ARPP21: variants seen among roughly 807,000 people sequenced by gnomAD.
The protein encoded by ARPP21 is cAMP regulated phosphoprotein 21.
ARPP21 carries 69 observed loss-of-function variants against 113.2 expected under a neutral mutation model. The ratio of observed to expected loss-of-function variants is 0.61; its 90% CI spans 0.50 to 0.74. The LOEUF is 0.74. Ranked by LOEUF, ARPP21 falls within the 30% of genes least tolerant of loss-of-function variation. The pLI, the probability that ARPP21 is intolerant of heterozygous loss-of-function variation, is 0.00. For missense variants in ARPP21, 1,070 were observed against 1,037.4 expected (o/e 1.03, Z -0.43); for synonymous variants, 368 against 375.5 (o/e 0.98, Z 0.23).
chr3:35,656,789 TA>T (rs35391192), intron 1 of ARPP21, among the ~76,000 whole-genome samples: 2 of 152,030 alleles, frequency 1.3e-5, no homozygotes, highest in South Asian at 4.2e-4. Flanking sequence ...ATACAGCCCC[TA>T]AAAAAGTCAA....
At position 35,721,576 on chromosome 3, in the gene ARPP21, TGTGCATCTTTCTGGTGGTC is replaced by T. The variant is rs1280126266; in HGVS notation, c.996-26_996-8del. The T allele has an allele frequency of 7.8e-7, 1 of 1,280,670 alleles. No homozygotes were observed. The highest frequency in any genetic ancestry group is 1.1e-6 in the Non-Finnish European group (1 of 879,026). 79.3% of individuals were successfully genotyped at this position (1,280,670 alleles called of 1,614,324 possible). A position where few individuals can be genotyped will look rare whatever the true frequency, so the allele number is the denominator to read the frequency against. ...CATGCATGTAAGGTAATCCTGTCCC[TGTGCATCTTTCTGGTGGTC>T]GTACTCCAGGGGCAACAGAGATGGC... On this transcript the variant is annotated splice_polypyrimidine_tract_variant and intron_variant, in intron 13 of 20. Coordinates refer to ENST00000684406, the MANE Select transcript of ARPP21 (RefSeq NM_001385562.1).
chr3:35,652,253 G>A (rs1050234379), intron 1 of ARPP21, among the ~76,000 whole-genome samples: 9 of 152,022 alleles, frequency 5.9e-5, no homozygotes, highest in African/African-American at 2.2e-4. Flanking sequence ...ATCCTTCCAG[G>A]AGCAATTTGG....
rs142471124 is a variant in ARPP21, at chr3:35,721,802, G to A, written c.1193G>A (p.Ser398Asn). 73 of 1,611,348 alleles carry A rather than the reference G, an allele frequency of 4.5e-5. No homozygotes were observed. Among genetic ancestry groups the A allele is most frequent in the Non-Finnish European group, 5.9e-5 (70 of 1,178,686 alleles). The change falls in exon 14 of 21, where the codon AGT becomes AAT. Residue 398 changes from serine to asparagine, a missense_variant. Physicochemically the swap from Ser to Asn is conservative, Grantham distance 46 (BLOSUM62 1). Coordinates refer to ENST00000684406, the MANE Select transcript of ARPP21 (RefSeq NM_001385562.1). ...CTGACCAGGGGTGACAGCACTTCCA[G>A]TACTAGGAGTACCGGGAAGCTGTCC... ...TVLTRGDSTS[S>N]TRSTGKLSKA... is the part of the protein sequence containing the mutation.
At chr3:35,699,539 C>T (rs909580248) in intron 9 of ARPP21, among the ~76,000 whole-genome samples, 6 of 151,590 alleles carry the variant, frequency 4.0e-5, no homozygotes, top group Non-Finnish European at 7.4e-5. Context: ...ACATTTTATC[C>T]CACAACCTGA....
rs1356828470 is a variant in ARPP21 at position 35,729,437 on chromosome 3, G to C, written c.1360G>C (p.Gly454Arg). ...GCVPYPENGI[G>R]GQVAPSSTSY... The stretch of plus-strand genomic sequence containing the variant: ...TGTGCCTTATCCAGAGAATGGAATA[G>C]GGGGCCAGGTTGCTCCCAGCAGCAC... Residue 454 changes from glycine to arginine, a missense_variant, in exon 15 of 21, where the codon GGG (glycine) becomes CGG (arginine). Transcript: ENST00000684406. 6.2e-7 allele frequency: 1 copy of C among 1,614,048 alleles called. No individual in the cohort carries two copies. The highest frequency in any genetic ancestry group is 2.2e-5 in the East Asian group (1 of 44,874).
intron 19 of ARPP21, among the ~76,000 whole-genome samples, chr3:35,745,201 T>TA (rs1244885726): frequency 6.6e-6 from 1 of 152,218 alleles, no homozygotes; most frequent in Non-Finnish European, 1.5e-5. Flanking sequence ...TATTTATTTT[T>TA]AAAAAATCAC....
At chr3:35,730,216 T>C (rs181232119) in intron 15 of ARPP21, among the ~76,000 whole-genome samples, 507 of 152,320 alleles carry the variant, frequency 3.3e-3, no homozygotes, top group Middle Eastern at 0.014. Flanking sequence ...TTCTAGTGGG[T>C]CAGTTGACTT....
At position 35,737,415 on chromosome 3, in the gene ARPP21, C is replaced by T. The variant is rs75245174; in HGVS notation, c.1644+53C>T. ...GGGAAGTACCCTGAGATGAAGGCTA[C>T]ATAGTCCTCAGAGCAGCAGAGAATC... On this transcript the variant is annotated intron_variant, in intron 16 of 20. Transcript: ENST00000684406. 1.7e-4 allele frequency: 217 copies of T among 1,261,428 alleles called. No homozygotes were observed. The African/African-American group carries it at 2.9e-3, about 17-fold the overall frequency. 78.1% of individuals were successfully genotyped at this position (1,261,428 alleles called of 1,614,324 possible). A position where few individuals can be genotyped will look rare whatever the true frequency, so the allele number is the denominator to read the frequency against.
chr3:35,793,254 G>A (rs1346754478), intron 20 of ARPP21, among the ~76,000 whole-genome samples: 1 of 152,154 alleles, frequency 6.6e-6, no homozygotes, highest in Non-Finnish European at 1.5e-5. Flanking sequence ...AGGTGCCCAG[G>A]ACAAAAGCCC....
At chr3:35,766,769 G>T (rs1006974448) in intron 19 of ARPP21, among the ~76,000 whole-genome samples, 13 of 152,092 alleles carry the variant, frequency 8.5e-5, no homozygotes, top group African/African-American at 2.9e-4. Flanking sequence ...TTTTATTTGT[G>T]TAAATTGTAA....
intron 19 of ARPP21, among the ~76,000 whole-genome samples, chr3:35,765,762 A>G (rs1465009239): frequency 6.6e-6 from 1 of 152,152 alleles, no homozygotes; most frequent in Non-Finnish European, 1.5e-5. Flanking sequence ...CATATAAATA[A>G]TTTATTCTAC....
intron 1 of ARPP21, among the ~76,000 whole-genome samples, chr3:35,660,456 G>T (rs1489664202): frequency 6.6e-6 from 1 of 152,080 alleles, no homozygotes; most frequent in Non-Finnish European, 1.5e-5. Context: ...CACCATAAAA[G>T]TGCACCTCAC....
chr3:35,645,631 A>G (rs182112223), intron 1 of ARPP21, among the ~76,000 whole-genome samples: 45 of 152,126 alleles, frequency 3.0e-4, no homozygotes, highest in African/African-American at 8.4e-4. Flanking sequence ...ATTTAAAAGA[A>G]CTAACTAGTT....
chr3:35,784,387 T>C (rs2096587948), intron 19 of ARPP21, among the ~76,000 whole-genome samples: 2 of 152,178 alleles, frequency 1.3e-5, no homozygotes, highest in African/African-American at 2.4e-5. Flanking sequence ...ATATTTACAC[T>C]AGGGAAATCA....
chr3:35,680,237 GA>G (rs1022552408), intron 2 of ARPP21, among the ~76,000 whole-genome samples: 4 of 151,810 alleles, frequency 2.6e-5, no homozygotes, highest in African/African-American at 9.7e-5. Context: ...TTTGCCAGTG[GA>G]AAATGGAACT....
intron 19 of ARPP21, among the ~76,000 whole-genome samples, chr3:35,776,269 C>T (rs1403446875): frequency 6.6e-6 from 1 of 151,972 alleles, no homozygotes; most frequent in East Asian, 1.9e-4. Flanking sequence ...TCTTTTAGTG[C>T]ACAAAAAATT....
At chr3:35,768,079 C>CGTGTGTGTGTGT (rs5847897) in intron 19 of ARPP21, among the ~76,000 whole-genome samples, 3 of 111,730 alleles carry the variant, frequency 2.7e-5, no homozygotes, top group Non-Finnish European at 5.6e-5. Context: ...CATGCTTTTC[C>CGTGTGTGTGTGT]GTGTGTGTGT....
At chr3:35,681,479 AT>A in intron 2 of ARPP21, 1 of 317,530 alleles carries the variant, frequency 3.1e-6, no homozygotes, top group Non-Finnish European at 5.9e-6. Flanking sequence ...TTGTCGACCC[AT>A]TTTGATGGCA....
rs777535326 is a variant in ARPP21 at position 35,689,383 on chromosome 3, C to T, written c.483C>T (p.Ser161=). 7.6e-6 allele frequency: 11 copies of T among 1,439,062 alleles called. No individual in the cohort carries two copies. Among genetic ancestry groups the T allele is most frequent in the African/African-American group, 1.4e-5 (1 of 71,210 alleles). The allele number at this position is 1,439,062 out of a possible 1,614,324, so 89.1% of individuals were successfully genotyped here. ...EFLINTLKNN[S]RDRMILLKME... is the part of the protein sequence containing the mutation. Reference sequence around the variant, plus strand: ...TGATTAACACATTAAAGAATAATTCCAGGTAAATTATTAAATGAGCCTCTT... The same window carrying T: ...TGATTAACACATTAAAGAATAATTCTAGGTAAATTATTAAATGAGCCTCTT... Residue 161 remains serine, a splice_region_variant and synonymous_variant, in exon 7 of 21, where the codon TCC becomes TCT. Coordinates refer to ENST00000684406, the MANE Select transcript of ARPP21 (RefSeq NM_001385562.1).
Sources: allele counts gnomAD v4.1 joint callset (sites outside exome capture counted in the v4.1 genomes callset), GRCh38; gene constraint gnomAD v4.1.1; transcripts MANE v1.5; gene names NCBI Gene and HGNC (gene_info 2026-07-23, HGNC 2026-07-21).